The following FSTL5 variants were observed in gnomAD, a reference collection of about 807,000 sequenced individuals.
FSTL5 encodes follistatin-related protein 5.
Under a neutral mutation model 89.1 loss-of-function variants are expected in FSTL5, and 62 were observed. The observed-to-expected ratio is 0.70, with a 90% confidence interval of 0.57 to 0.86. The LOEUF is 0.86. Among genes scored for constraint, FSTL5 ranks in the 40% least tolerant of loss-of-function variants. FSTL5 has a pLI of 0.00. For synonymous variants in FSTL5, 383 were observed against 346.2 expected (o/e 1.11, Z -1.18); for missense variants, 1,057 against 1,001.6 (o/e 1.06, Z -0.75).
chr4:161,776,145 GA>G, intron 4 of FSTL5, 71 bp from the exon 5 acceptor site: 1 of 814,218 alleles, frequency 1.2e-6, no homozygotes, highest in Non-Finnish European at 1.8e-6. Flanking sequence ...TTAAGGTTTA[GA>G]AGTTATTTTA....
At chr4:161,959,767 T>A (rs933380129) in intron 3 of FSTL5, among the ~76,000 whole-genome samples, 1 of 152,096 alleles carries the variant, frequency 6.6e-6, no homozygotes, top group Non-Finnish European at 1.5e-5. Context: ...TGGGTGAGAA[T>A]TGGACATCTG....
At chr4:161,915,759 T>C (rs1348765732) in intron 4 of FSTL5, among the ~76,000 whole-genome samples, 1 of 142,228 alleles carries the variant, frequency 7.0e-6, no homozygotes, top group African/African-American at 2.6e-5. Flanking sequence ...AATTGTCTAA[T>C]ACTGACAACA....
intron 4 of FSTL5, among the ~76,000 whole-genome samples, chr4:161,786,757 T>C (rs1010215269): frequency 3.3e-5 from 5 of 152,128 alleles, no homozygotes; most frequent in Non-Finnish European, 7.4e-5. Flanking sequence ...CCCAATAATG[T>C]AACCTCTATT....
chr4:162,028,636 C>T (rs976293742), intron 3 of FSTL5, among the ~76,000 whole-genome samples: 2 of 152,100 alleles, frequency 1.3e-5, no homozygotes, highest in South Asian at 4.1e-4. Context: ...AGTGACTATG[C>T]ATTTCATGAA....
intron 15 of FSTL5, among the ~76,000 whole-genome samples, chr4:161,424,810 C>T (rs1225735460): frequency 6.6e-6 from 1 of 152,186 alleles, no homozygotes; most frequent in African/African-American, 2.4e-5. Flanking sequence ...CAAACTAAAA[C>T]TTTATGGAAG....
rs529992199 is a variant in FSTL5, at chr4:161,581,665, A to C, written c.1015+5790T>G. Reference sequence around the variant, plus strand: ...TGTGTCTTTCGTACAGATGTTTCCAAACTTTGAAGGAGAAAAATCAGGGTG... The same window carrying C: ...TGTGTCTTTCGTACAGATGTTTCCACACTTTGAAGGAGAAAAATCAGGGTG... On this transcript the variant is annotated intron_variant, in intron 8 of 15. Transcript: ENST00000306100. 2.0e-5 allele frequency among the ~76,000 whole-genome samples: 3 copies of C among 152,334 alleles called. 1 individual carries two copies. The South Asian group carries it at 6.2e-4, about 32-fold the overall frequency.
chr4:162,030,055 C>T (rs763675263), intron 3 of FSTL5, among the ~76,000 whole-genome samples: 9 of 151,910 alleles, frequency 5.9e-5, no homozygotes, highest in Non-Finnish European at 8.8e-5. Context: ...TGCGCTACCA[C>T]GCCTGGCTAA....
intron 7 of FSTL5, among the ~76,000 whole-genome samples, chr4:161,607,757 A>G (rs1162532422): frequency 6.6e-6 from 1 of 152,172 alleles, no homozygotes; most frequent in Non-Finnish European, 1.5e-5. Context: ...CACCAGTTCA[A>G]TGTATGCTTA....
intron 3 of FSTL5, among the ~76,000 whole-genome samples, chr4:161,982,263 A>G (rs767453862): frequency 1.3e-5 from 2 of 152,170 alleles, no homozygotes; most frequent in Admixed American, 1.3e-4. Context: ...GATACTCCCC[A>G]CTGATTGTTC....
intron 1 of FSTL5, among the ~76,000 whole-genome samples, chr4:162,145,446 A>C (rs1394825083): frequency 6.6e-6 from 1 of 152,058 alleles, no homozygotes; most frequent in Non-Finnish European, 1.5e-5. Flanking sequence ...CAATTCCCAA[A>C]TCTCAGGGAC....
chr4:161,397,842 A>G (rs111279652), intron 15 of FSTL5, among the ~76,000 whole-genome samples: 121 of 152,090 alleles, frequency 8.0e-4, no homozygotes, highest in African/African-American at 2.8e-3. Flanking sequence ...ACTGAAAAGG[A>G]AATGTAACAA....
chr4:161,616,464 C>A (rs761060895), intron 7 of FSTL5, among the ~76,000 whole-genome samples: 4 of 152,168 alleles, frequency 2.6e-5, no homozygotes, highest in African/African-American at 4.8e-5. Context: ...CTTTTGGATT[C>A]TTGGACCTTT....
At chr4:162,163,311 A>G (rs1371135777) in intron 1 of FSTL5, among the ~76,000 whole-genome samples, 1 of 151,866 alleles carries the variant, frequency 6.6e-6, no homozygotes. Flanking sequence ...AACCCTGCTG[A>G]AAGTATTGCT....
chr4:161,660,917 T>G (rs1055877515), intron 6 of FSTL5, among the ~76,000 whole-genome samples: 12 of 152,146 alleles, frequency 7.9e-5, no homozygotes, highest in Non-Finnish European at 1.5e-4. Flanking sequence ...CTATTATGAA[T>G]AGTGCTGCAA....
At chr4:161,650,824 G>A (rs576678389) in intron 7 of FSTL5, among the ~76,000 whole-genome samples, 1 of 152,022 alleles carries the variant, frequency 6.6e-6, no homozygotes, top group Non-Finnish European at 1.5e-5. Flanking sequence ...GTTACTGAAC[G>A]GTGAGCAACT....
At chr4:162,083,245 A>C (rs1730172898) in intron 2 of FSTL5, among the ~76,000 whole-genome samples, 1 of 151,818 alleles carries the variant, frequency 6.6e-6, no homozygotes, top group Non-Finnish European at 1.5e-5. Context: ...ACAAGTACTA[A>C]CATTTTGTGA....
At chr4:161,448,158 G>T (rs1733016363) in intron 15 of FSTL5, among the ~76,000 whole-genome samples, 1 of 152,124 alleles carries the variant, frequency 6.6e-6, no homozygotes, top group African/African-American at 2.4e-5. Context: ...ATTTCTCTTT[G>T]TGGGAGGAAT....
intron 3 of FSTL5, among the ~76,000 whole-genome samples, chr4:162,012,610 A>G (rs1736800599): frequency 6.6e-6 from 1 of 152,192 alleles, no homozygotes; most frequent in African/African-American, 2.4e-5. Context: ...CTACCCTGCC[A>G]AATGATTTTT....
chr4:162,113,674 A>C (rs985414734), intron 1 of FSTL5, among the ~76,000 whole-genome samples: 2 of 152,082 alleles, frequency 1.3e-5, no homozygotes, highest in Admixed American at 6.6e-5. Context: ...TTTTGAACTT[A>C]TTTTGCCTGT....
Sources: gnomAD v4.1 joint callset for allele counts (sites outside exome capture counted in the v4.1 genomes callset) on GRCh38, gnomAD v4.1.1 for gene constraint, MANE v1.5 for transcripts, NCBI Gene and HGNC (gene_info 2026-07-23, HGNC 2026-07-21) for gene names.